The following ACSM3 variants were observed in gnomAD, a reference collection of about 807,000 sequenced individuals.
ACSM3 encodes acyl-coenzyme A synthetase ACSM3, mitochondrial.
Under a neutral mutation model 74.1 loss-of-function variants are expected in ACSM3, and 61 were observed. The ratio of observed to expected loss-of-function variants is 0.82; its 90% CI spans 0.67 to 1.02. The LOEUF (loss-of-function observed/expected upper bound fraction) is 1.02, where lower values mean the gene tolerates loss of function less well. Ranked by LOEUF, ACSM3 falls within the 50% of genes least tolerant of loss-of-function variation. ACSM3 has a pLI of 0.00. For missense variants in ACSM3, 660 were observed against 697.0 expected (o/e 0.95, Z 0.60); for synonymous variants, 213 against 241.5 (o/e 0.88, Z 1.09).
rs952742689 is a variant in ACSM3 at position 20,738,150 on chromosome 16, T to C, written c.-189-11760T>C. On this transcript the variant is annotated intron_variant, in intron 1 of 3. Coordinates refer to the ACSM3 transcript ENST00000561584. ...AATACGTACTATAATGTATCTAATATATTTTAACTTTTCATCATTATTACT... is the reference window on the plus strand; with the variant it reads ...AATACGTACTATAATGTATCTAATACATTTTAACTTTTCATCATTATTACT... 19 of 673,212 alleles carry C rather than the reference T, an allele frequency of 2.8e-5. No homozygotes were observed. In the African/African-American group the frequency reaches 3.4e-4, roughly 12 times the overall value. The allele number at this position is 673,212 out of a possible 1,614,324, so 41.7% of individuals were successfully genotyped here.
At chr16:20,690,309 C>G (rs1217270377) in intron 1 of ACSM3, among the ~76,000 whole-genome samples, 3 of 152,148 alleles carry the variant, frequency 2.0e-5, no homozygotes, top group Admixed American at 2.0e-4. Context: ...AAATACCATC[C>G]ATTGTCTACC....
chr16:20,776,165 C>A, intron 3 of ACSM3, 116 bp downstream of exon 3: 1 of 1,132,106 alleles, frequency 8.8e-7, no homozygotes, highest in Non-Finnish European at 1.3e-6. Context: ...TCAAAGAGTG[C>A]CTTTAAATTA....
chr16:20,694,930 C>A (rs1405783761), intron 1 of ACSM3, among the ~76,000 whole-genome samples: 2 of 152,086 alleles, frequency 1.3e-5, no homozygotes, highest in Non-Finnish European at 2.9e-5. Context: ...GGAAAAAGAC[C>A]TCAGAGAAAA....
intron 1 of ACSM3, chr16:20,741,480 G>GGGGGGGGGGGGCCCCCCCCCCCCCCCCCC: frequency 7.5e-7 from 1 of 1,340,424 alleles, no homozygotes; most frequent in Non-Finnish European, 9.7e-7. Flanking sequence ...CCTGGCAGCC[G>GGGGGGGGGGGGCCCCCCCCCCCCCCCCCC]GCCCGCCCGC....
chr16:20,692,979 G>A (rs2079668745), intron 1 of ACSM3, among the ~76,000 whole-genome samples: 2 of 151,922 alleles, frequency 1.3e-5, no homozygotes, highest in South Asian at 4.2e-4. Context: ...GACCATCCTG[G>A]CTAACATGAT....
At chr16:20,741,576 C>T in intron 1 of ACSM3, 1 of 1,578,878 alleles carries the variant, frequency 6.3e-7, no homozygotes, top group South Asian at 1.2e-5. Context: ...CACGCACTTG[C>T]GCTCGTTCAT....
intron 1 of ACSM3, among the ~76,000 whole-genome samples, chr16:20,712,709 C>T (rs1292088271): frequency 6.6e-6 from 1 of 151,222 alleles, no homozygotes; most frequent in Non-Finnish European, 1.5e-5. Flanking sequence ...AGTTTGAGAC[C>T]AGCCTGGCCA....
intron 2 of ACSM3, among the ~76,000 whole-genome samples, chr16:20,755,317 T>C (rs2080020421): frequency 6.6e-6 from 1 of 152,176 alleles, no homozygotes; most frequent in African/African-American, 2.4e-5. Context: ...AGAAAGATGA[T>C]GGATAGATGC....
intron 1 of ACSM3, chr16:20,743,568 C>G (rs988507529): frequency 2.0e-5 from 3 of 152,184 alleles, no homozygotes; most frequent in African/African-American, 7.2e-5. Flanking sequence ...AAGATGTAAT[C>G]TGATATTTTG....
At chr16:20,715,232 G>T (rs1198072189) in intron 1 of ACSM3, among the ~76,000 whole-genome samples, 1 of 152,122 alleles carries the variant, frequency 6.6e-6, no homozygotes, top group Non-Finnish European at 1.5e-5. Flanking sequence ...CTGAATGAAT[G>T]ATCTTTTTCT....
intron 1 of ACSM3, among the ~76,000 whole-genome samples, chr16:20,683,507 T>A (rs2079487295): frequency 6.6e-6 from 1 of 152,130 alleles, no homozygotes; most frequent in Admixed American, 6.6e-5. Context: ...ACTTTGAAGA[T>A]GCTGCTTTCT....
rs59929923 is a variant in ACSM3 at position 20,691,751 on chromosome 16, A to ATGTGTGTGTGTG, written c.-190+16973_-190+16984dup. Among the ~76,000 whole-genome samples the ATGTGTGTGTGTG allele has an allele frequency of 3.5e-4, 47 of 134,102 alleles. 1 individual carries two copies. In the East Asian group the frequency reaches 3.6e-3, roughly 10 times the overall value. 88.0% of individuals were successfully genotyped at this position (134,102 alleles called of 152,430 possible). A position where few individuals can be genotyped will look rare whatever the true frequency, so the allele number is the denominator to read the frequency against. ...CTGGGCCAATCATAATACCTCTCCA[A>ATGTGTGTGTGTG]TGTGTGTGTGTGTGTGTGTGTGTGT... On this transcript the variant is annotated intron_variant, in intron 1 of 3. Coordinates refer to the ACSM3 transcript ENST00000561584.
intron 1 of ACSM3, chr16:20,737,919 C>T (rs1206691554): frequency 1.2e-6 from 2 of 1,612,676 alleles, no homozygotes; most frequent in Non-Finnish European, 1.7e-6. Flanking sequence ...TGGTTTTGTA[C>T]ATATCCTGGA....
In ACSM3 at chr16:20,706,046, T is replaced by C. The variant is rs192655377; in HGVS notation, c.-190+31224T>C. 1.5e-3 allele frequency among the ~76,000 whole-genome samples: 230 copies of C among 152,090 alleles called. 1 individual carries two copies. Among genetic ancestry groups the C allele is most frequent in the African/African-American group, 5.3e-3 (221 of 41,514 alleles). On this transcript the variant is annotated intron_variant, in intron 1 of 3. Coordinates refer to the ACSM3 transcript ENST00000561584. ...AGTCTTAAGAATAGAGAGAAAAATATTTTTATAAAAAGTGAAGCCTCAGTG... is the reference window on the plus strand; with the variant it reads ...AGTCTTAAGAATAGAGAGAAAAATACTTTTATAAAAAGTGAAGCCTCAGTG...
chr16:20,739,479 ATTGAT>A, intron 1 of ACSM3, among the ~76,000 whole-genome samples: 1 of 151,978 alleles, frequency 6.6e-6, no homozygotes, highest in Non-Finnish European at 1.5e-5. Flanking sequence ...CTGACTCAGT[ATTGAT>A]AATAAAGCTT....
intron 1 of ACSM3, among the ~76,000 whole-genome samples, chr16:20,719,876 C>T (rs539133150): frequency 6.6e-6 from 1 of 152,296 alleles, no homozygotes; most frequent in African/African-American, 2.4e-5. Flanking sequence ...GACATGCATG[C>T]CCTGCCTTCT....
chr16:20,770,189 T>G lies in ACSM3; in HGVS notation c.155T>G (p.Leu52Arg), dbSNP rs758769062. 3 of 1,614,198 alleles carry G rather than the reference T, an allele frequency of 1.9e-6. No individual in the cohort carries two copies. The highest frequency in any genetic ancestry group is 2.7e-5 in the African/African-American group (2 of 75,046). The change falls in exon 2 of 14, where the codon CTG (leucine) becomes CGG (arginine). Residue 52 changes from leucine to arginine, a missense_variant. Physicochemically the swap from Leu to Arg is moderately radical, Grantham distance 102. Transcript: ENST00000289416. ...NYESMKQDFK[L>R]GIPEYFNFAK... ...GAATCCATGAAACAGGACTTCAAAC[T>G]GGGGATTCCAGAGTATTTCAACTTT...
chr16:20,777,475 C>T lies in ACSM3; in HGVS notation c.533C>T (p.Ala178Val). ...ANCIITNDVL[A>V]PAVDAVASKC... ...TGCATTATCACCAATGATGTTTTAG[C>T]CCCAGCAGTAGACGCTGTTGCATCC... Residue 178 changes from alanine (A) to valine (V), a missense_variant, in exon 4 of 14, where the codon GCC becomes GTC. Coordinates refer to ENST00000289416, the MANE Select transcript of ACSM3 (RefSeq NM_005622.4). The T allele has an allele frequency of 6.2e-7, 1 of 1,613,992 alleles. No individual in the cohort carries two copies. Among genetic ancestry groups the T allele is most frequent in the Admixed American group, 1.7e-5 (1 of 60,014 alleles).
At chr16:20,683,125 TA>T (rs1475434409) in intron 1 of ACSM3, among the ~76,000 whole-genome samples, 1 of 150,854 alleles carries the variant, frequency 6.6e-6, no homozygotes, top group Non-Finnish European at 1.5e-5. Flanking sequence ...TTTATTTATT[TA>T]TTTTTTTTTA....
Sources: gnomAD v4.1 joint callset for allele counts (sites outside exome capture counted in the v4.1 genomes callset) on GRCh38, gnomAD v4.1.1 for gene constraint, MANE v1.5 for transcripts, NCBI Gene and HGNC (gene_info 2026-07-23, HGNC 2026-07-21) for gene names.